The following POM121C variants were observed in gnomAD, a reference collection of about 807,000 sequenced individuals.
POM121C encodes nuclear envelope pore membrane protein POM 121C.
POM121C carries 20 observed loss-of-function variants against 66.4 expected under a neutral mutation model. The ratio of observed to expected loss-of-function variants is 0.30; its 90% CI spans 0.21 to 0.44. The LOEUF is 0.44. Among genes scored for constraint, POM121C ranks in the 20% least tolerant of loss-of-function variants. The pLI is 1.00. For synonymous variants in POM121C, 286 were observed against 528.0 expected, an observed-to-expected ratio of 0.54 and a Z score of 6.28; for missense variants, 580 against 1,225.7, an observed-to-expected ratio of 0.47 and a Z score of 7.87.
At chr7:75,433,076 A>C (rs1790246063) in intron 7 of POM121C, among the ~76,000 whole-genome samples, 1 of 151,798 alleles carries the variant, frequency 6.6e-6, no homozygotes, top group Non-Finnish European at 1.5e-5. Flanking sequence ...TCTACTAAAA[A>C]TACAAAAAAT....
intron 3 of POM121C, among the ~76,000 whole-genome samples, chr7:75,452,622 C>G (rs1791058713): frequency 6.6e-6 from 1 of 152,122 alleles, no homozygotes; most frequent in Non-Finnish European, 1.5e-5. Context: ...GCTGCTGCCA[C>G]TAGAGGGCAG....
rs148157801 is a variant in POM121C, at chr7:75,422,000, G to T, written c.2252C>A (p.Thr751Lys). ...ATAPTPAPAS[T>K]IKIVPAHVPT... ...CACGTGCGCAGGCACGATCTTGATC[G>T]TGGACGCAGGTGCAGGTGTGGGTGC... Residue 751 changes from threonine to lysine, a missense_variant, in exon 13 of 15, where the codon ACG becomes AAG. Transcript: ENST00000615331. 8 of 1,599,048 alleles carry T rather than the reference G, an allele frequency of 5.0e-6. No individual in the cohort carries two copies. In the East Asian group the frequency reaches 1.8e-4, roughly 36 times the overall value.
In POM121C at chr7:75,434,384, C is replaced by T. The variant is rs75238734; in HGVS notation, c.480+3131G>A. Among the ~76,000 whole-genome samples, 324 of 151,576 alleles carry T rather than the reference C, an allele frequency of 2.1e-3. 3 individuals carry two copies. Among genetic ancestry groups the T allele is most frequent in the Middle Eastern group, 6.8e-3 (2 of 294 alleles). On this transcript the variant is annotated intron_variant, in intron 7 of 14. Coordinates refer to ENST00000615331, the MANE Select transcript of POM121C (RefSeq NM_001099415.3). ...CCGCCTTCCAGGGTCGAGCAGTTCT[C>T]CTGCCTCAGCCTCCTAAGTAGCTGG...
intron 3 of POM121C, among the ~76,000 whole-genome samples, chr7:75,460,476 A>T (rs1351821217): frequency 6.6e-6 from 1 of 151,898 alleles, no homozygotes; most frequent in Non-Finnish European, 1.5e-5. Flanking sequence ...CACTCCAGCC[A>T]ACAGAGTAAG....
chr7:75,483,136 C>T (rs1486170137), intron 1 of POM121C, among the ~76,000 whole-genome samples: 4 of 152,012 alleles, frequency 2.6e-5, no homozygotes, highest in African/African-American at 9.7e-5. Flanking sequence ...ACGATATTTC[C>T]GTCCCTGGAA....
intron 10 of POM121C, 80 bp from the exon 11 acceptor site, chr7:75,424,708 C>G (rs1584649215): frequency 6.4e-7 from 1 of 1,574,552 alleles, no homozygotes; most frequent in Non-Finnish European, 8.7e-7. Flanking sequence ...CCGGTAATCT[C>G]AGCACTCTGG....
chr7:75,440,827 C>A, intron 5 of POM121C, 127 bp downstream of exon 5: 1 of 1,501,146 alleles, frequency 6.7e-7, no homozygotes, highest in Non-Finnish European at 9.1e-7. Context: ...CTCATGAAAG[C>A]CAAAGAAGGA....
chr7:75,433,953 G>C (rs1159190969), intron 7 of POM121C, among the ~76,000 whole-genome samples: 2 of 152,178 alleles, frequency 1.3e-5, no homozygotes, highest in East Asian at 3.8e-4. Flanking sequence ...AAAGCTGCTT[G>C]ATCAAAGGGT....
chr7:75,467,947 T>C (rs1554478089), intron 3 of POM121C, among the ~76,000 whole-genome samples: 4 of 151,548 alleles, frequency 2.6e-5, no homozygotes, highest in South Asian at 2.1e-4. Context: ...CTGACCAACA[T>C]GATGAAACCC....
intron 3 of POM121C, among the ~76,000 whole-genome samples, chr7:75,441,982 A>T (rs1197713835): frequency 4.6e-5 from 7 of 151,608 alleles, no homozygotes; most frequent in Admixed American, 2.0e-4. Flanking sequence ...AGCAAGAGTC[A>T]GAGGCCAGGA....
rs1790622136 is a variant in POM121C, at chr7:75,440,971, G to A, written c.210C>T (p.Gly70=). ...VEEEDQIFLD[G]QENKRRRHDS... ...CCTGTTACCTTCTTTTATTTTCCTG[G>A]CCATCAAGGAATATTTGGTCTTCTT... The change falls in exon 5 of 15, where the codon GGC becomes GGT. Residue 70 remains glycine, a synonymous_variant. Coordinates refer to ENST00000615331, the MANE Select transcript of POM121C (RefSeq NM_001099415.3). 1 of 1,613,800 alleles carries A rather than the reference G, an allele frequency of 6.2e-7. No individual in the cohort carries two copies. Among genetic ancestry groups the A allele is most frequent in the Non-Finnish European group, 8.5e-7 (1 of 1,179,872 alleles).
At chr7:75,463,185 G>T in intron 3 of POM121C, among the ~76,000 whole-genome samples, 1 of 152,060 alleles carries the variant, frequency 6.6e-6, no homozygotes, top group South Asian at 2.1e-4. Flanking sequence ...TAAGCCGGGT[G>T]TGGTGGAAAA....
In POM121C at chr7:75,441,347, T is replaced by C. The variant is rs1554473944; in HGVS notation, c.65+85A>G. The C allele has an allele frequency of 2.1e-6, 3 of 1,449,528 alleles. No homozygotes were observed. In the African/African-American group the frequency reaches 4.4e-5, roughly 21 times the overall value. 89.8% of individuals were successfully genotyped at this position (1,449,528 alleles called of 1,614,324 possible). A position where few individuals can be genotyped will look rare whatever the true frequency, so the allele number is the denominator to read the frequency against. On this transcript the variant is annotated intron_variant, in intron 4 of 14. Transcript: ENST00000615331. ...GCAGATTCGTCCTTTCTTTTTTGCG[T>C]TGTAGTCATGTTGTCACAGGAACAA...
chr7:75,422,120 T>A lies in POM121C; in HGVS notation c.2132A>T (p.Glu711Val). Residue 711 changes from glutamate to valine, a missense_variant, in exon 13 of 15, where the codon GAG (glutamate) becomes GTG (valine). Physicochemically the swap from Glu to Val is moderately radical, Grantham distance 121. Coordinates refer to ENST00000615331, the MANE Select transcript of POM121C (RefSeq NM_001099415.3). ...ANPQPAFGAAEGQPPGAAKPA... is the reference protein window; with the variant it reads ...ANPQPAFGAAVGQPPGAAKPA... ...CTTGGCGGCCCCCGGTGGCTGCCCC[T>A]CAGCGGCCCCAAATGCGGGCTGGGG... The A allele has an allele frequency of 1.9e-6, 3 of 1,601,246 alleles. No homozygotes were observed. The highest frequency in any genetic ancestry group is 2.6e-6 in the Non-Finnish European group (3 of 1,171,792).
Position 75,424,623 on chromosome 7 carries a change from T to C in POM121C, c.774A>G (p.Pro258=). 1 of 1,613,266 alleles carries C rather than the reference T, an allele frequency of 6.2e-7. No homozygotes were observed. Among genetic ancestry groups the C allele is most frequent in the African/African-American group, 1.3e-5 (1 of 74,770 alleles). Residue 258 remains proline, a synonymous_variant, in exon 11 of 15, where the codon CCA becomes CCG. Coordinates refer to ENST00000615331, the MANE Select transcript of POM121C (RefSeq NM_001099415.3). ...SRRGEQLTLP[P]PPQLGYSITA... Reference sequence around the variant, plus strand: ...TGATCGAATAGCCAAGCTGGGGAGGTGGAGGCTACCAAAGAGAAAAAGAAG... The same window carrying C: ...TGATCGAATAGCCAAGCTGGGGAGGCGGAGGCTACCAAAGAGAAAAAGAAG...
chr7:75,484,007 C>A (rs1176176436), intron 1 of POM121C, among the ~76,000 whole-genome samples: 2 of 151,892 alleles, frequency 1.3e-5, no homozygotes, highest in Non-Finnish European at 2.9e-5. Flanking sequence ...GAGGCTGAGG[C>A]AGGAGAATCA....
At chr7:75,484,205 G>T in intron 1 of POM121C, 1 of 1,609,560 alleles carries the variant, frequency 6.2e-7, no homozygotes, top group Admixed American at 1.7e-5. Context: ...CACCTGCAAT[G>T]TGTTCATTTT....
At position 75,418,877 on chromosome 7, in the gene POM121C, T is replaced by C; in HGVS notation, c.2883A>G (p.Ser961=). 2.5e-6 allele frequency: 4 copies of C among 1,611,100 alleles called. No homozygotes were observed. Among genetic ancestry groups the C allele is most frequent in the Admixed American group, 1.7e-5 (1 of 59,796 alleles). The change falls in exon 15 of 15, where the codon TCA becomes TCG. Residue 961 remains serine (S), a synonymous_variant. Transcript: ENST00000615331. ...GVGPFGSAAP[S]FSIGAGSKTP... ...TCTTGGATCCCGCACCAATGGAAAA[T>C]GAAGGGGCCGCCGATCCTGGAAAGA...
chr7:75,434,357 C>T (rs1554472769), intron 7 of POM121C, among the ~76,000 whole-genome samples: 1 of 151,748 alleles, frequency 6.6e-6, no homozygotes, highest in East Asian at 1.9e-4. Flanking sequence ...CTCACTTGAC[C>T]TCCGCCTTCC....
Sources: allele counts gnomAD v4.1 joint callset (sites outside exome capture counted in the v4.1 genomes callset), GRCh38; gene constraint gnomAD v4.1.1; transcripts MANE v1.5; gene names NCBI Gene and HGNC (gene_info 2026-07-23, HGNC 2026-07-21).